Variants in ARFGEF2 observed in about 807,000 individuals in gnomAD.
ARFGEF2 encodes the protein brefeldin A-inhibited guanine nucleotide-exchange protein 2.
Under a neutral mutation model 219.9 loss-of-function variants are expected in ARFGEF2, and 74 were observed. The observed-to-expected ratio is 0.34, with a 90% confidence interval of 0.28 to 0.41. The LOEUF is 0.41. Among genes scored for constraint, ARFGEF2 ranks in the 10% least tolerant of loss-of-function variants. The probability of loss-of-function intolerance (pLI) is 1.00; values close to 1 mark genes in which losing one functional copy is unlikely to be tolerated. For missense variants in ARFGEF2, 1,743 were observed against 2,218.3 expected, an observed-to-expected ratio of 0.79 and a Z score of 4.30; for synonymous variants, 733 against 799.2, an observed-to-expected ratio of 0.92 and a Z score of 1.40.
In ARFGEF2 at chr20:49,013,937, A is replaced by C. The variant is rs145745338; in HGVS notation, c.4156A>C (p.Lys1386Gln). Reference protein sequence around the residue: ...RIVFRIFDNMKLPEQLSEKSE... With the variant: ...RIVFRIFDNMQLPEQLSEKSE... ...CGTGTTTCGGATTTTTGACAATATG[A>C]AACTCCCTGAGCAACTGTCAGAGGT... The change falls in exon 30 of 39, where the codon AAA becomes CAA. Residue 1386 changes from lysine (K) to glutamine (Q), a missense_variant. Physicochemically the swap from Lys to Gln is moderately conservative, Grantham distance 53. This residue lies in a region of ARFGEF2 where 578 missense variants were observed against 664.0 expected (regional missense o/e 0.87). Transcript: ENST00000371917. 3.7e-6 allele frequency: 6 copies of C among 1,614,050 alleles called. No homozygotes were observed. The East Asian group carries it at 1.1e-4, about 30-fold the overall frequency.
intron 14 of ARFGEF2, among the ~76,000 whole-genome samples, chr20:48,980,728 AT>A (rs1249942973): frequency 3.9e-5 from 6 of 152,072 alleles, no homozygotes; most frequent in Non-Finnish European, 8.8e-5. Context: ...TCCCTTTACC[AT>A]TATGTAATGG....
chr20:48,996,492 C>T (rs375761259), intron 23 of ARFGEF2, among the ~76,000 whole-genome samples: 1 of 151,410 alleles, frequency 6.6e-6, no homozygotes, highest in African/African-American at 2.4e-5. Flanking sequence ...TGCCTGTAAT[C>T]CCAGCACTTT....
At chr20:48,925,826 G>T (rs1389216221) in intron 1 of ARFGEF2, among the ~76,000 whole-genome samples, 1 of 152,106 alleles carries the variant, frequency 6.6e-6, no homozygotes, top group Non-Finnish European at 1.5e-5. Flanking sequence ...AGCAGGGTGA[G>T]ACCCTCACAC....
intron 15 of ARFGEF2, 110 bp from the exon 16 acceptor site, chr20:48,985,298 A>T (rs1401750411): frequency 8.5e-7 from 1 of 1,169,692 alleles, no homozygotes; most frequent in African/African-American, 1.5e-5. Context: ...AGTCCAGCCT[A>T]TTCTGGGCAG....
intron 16 of ARFGEF2, among the ~76,000 whole-genome samples, chr20:48,986,745 G>A (rs983867223): frequency 6.6e-6 from 1 of 152,180 alleles, no homozygotes; most frequent in Non-Finnish European, 1.5e-5. Context: ...TCTTGCCCAG[G>A]TTGAAGTACA....
chr20:49,018,778 A>G (rs1428613199), intron 33 of ARFGEF2, 106 bp from the exon 34 acceptor site: 1 of 825,274 alleles, frequency 1.2e-6, no homozygotes, highest in Non-Finnish European at 2.1e-6. Context: ...GAGCTAAGCA[A>G]GGCACTTAAA....
chr20:48,923,958 G>A (rs1433641796), intron 1 of ARFGEF2, among the ~76,000 whole-genome samples: 3 of 152,202 alleles, frequency 2.0e-5, no homozygotes, highest in Non-Finnish European at 4.4e-5. Flanking sequence ...TGTAAAAAAT[G>A]GCCTAGATAG....
chr20:49,006,514 T>TTA (rs1025749917), intron 26 of ARFGEF2, among the ~76,000 whole-genome samples: 70 of 152,084 alleles, frequency 4.6e-4, no homozygotes, highest in African/African-American at 1.6e-3. Flanking sequence ...CTGAAGGACA[T>TTA]TATATATATC....
intron 1 of ARFGEF2, among the ~76,000 whole-genome samples, chr20:48,928,268 G>A (rs1334603717): frequency 1.5e-5 from 2 of 137,552 alleles, no homozygotes; most frequent in Non-Finnish European, 3.1e-5. Flanking sequence ...GCGCGATCTC[G>A]GCTCACTGCA....
intron 14 of ARFGEF2, among the ~76,000 whole-genome samples, chr20:48,982,793 C>A (rs1294749019): frequency 6.6e-6 from 1 of 152,232 alleles, no homozygotes; most frequent in African/African-American, 2.4e-5. Context: ...GGCGTGGGAC[C>A]TGCTGAGCCA....
intron 7 of ARFGEF2, 70 bp from the exon 8 acceptor site, chr20:48,965,802 T>A (rs1359722378): frequency 6.3e-7 from 1 of 1,584,994 alleles, no homozygotes; most frequent in Non-Finnish European, 8.7e-7. Flanking sequence ...TAACTTCTTT[T>A]TGGTGTCAGG....
At chr20:48,935,137 G>A (rs993734855) in intron 1 of ARFGEF2, among the ~76,000 whole-genome samples, 7 of 150,714 alleles carry the variant, frequency 4.6e-5, no homozygotes, top group African/African-American at 7.4e-5. Flanking sequence ...GGTGTTTCTC[G>A]CAGGGGGGGA....
intron 7 of ARFGEF2, among the ~76,000 whole-genome samples, chr20:48,964,543 A>G (rs1298948501): frequency 1.3e-5 from 2 of 152,182 alleles, no homozygotes; most frequent in Non-Finnish European, 2.9e-5. Flanking sequence ...ATCCATGTCC[A>G]TTGGAGCTGA....
chr20:48,940,467 T>C (rs2090986567), intron 1 of ARFGEF2, among the ~76,000 whole-genome samples: 2 of 152,262 alleles, frequency 1.3e-5, no homozygotes, highest in Non-Finnish European at 2.9e-5. Flanking sequence ...TTCAATACTT[T>C]GTTATATTCG....
intron 27 of ARFGEF2, among the ~76,000 whole-genome samples, chr20:49,010,809 C>A (rs556570552): frequency 1.2e-3 from 176 of 152,338 alleles, no homozygotes; most frequent in Non-Finnish European, 1.7e-3. Flanking sequence ...AACCAGTACT[C>A]ATGGTGCTTT....
rs760130632 is a variant in ARFGEF2, at chr20:48,921,937, G to A, written c.48G>A (p.Glu16=). 42 of 1,563,598 alleles carry A rather than the reference G, an allele frequency of 2.7e-5. No homozygotes were observed. The highest frequency in any genetic ancestry group is 3.3e-5 in the Non-Finnish European group (38 of 1,154,270). ...GCATGTTCGTGTCCCGGGCCCTGGA[G>A]AAGATCCTAGCCGACAAGGAGGTGA... ...TKSMFVSRAL[E]KILADKEVKR... is the part of the protein sequence containing the mutation. The change falls in exon 1 of 39, where the codon GAG becomes GAA. Residue 16 remains glutamate (E), a synonymous_variant. Transcript: ENST00000371917.
intron 1 of ARFGEF2, 46 bp from the exon 2 acceptor site, chr20:48,941,153 T>C: frequency 1.3e-6 from 2 of 1,578,240 alleles, no homozygotes; most frequent in Non-Finnish European, 1.7e-6. Flanking sequence ...TTCCTTTACA[T>C]AAATGTTGCA....
chr20:48,989,173 G>C (rs548288207), intron 18 of ARFGEF2, 112 bp from the exon 19 acceptor site: 95 of 1,225,526 alleles, frequency 7.8e-5, no homozygotes, highest in Non-Finnish European at 1.1e-4. Flanking sequence ...GGACTCACGA[G>C]ATGGTTGGGA....
chr20:48,958,544 C>T (rs544447149), intron 6 of ARFGEF2, among the ~76,000 whole-genome samples: 69 of 151,888 alleles, frequency 4.5e-4, no homozygotes, highest in African/African-American at 1.5e-3. Context: ...TCACGCCATT[C>T]TCCTGCCTCA....
Sources: allele counts gnomAD v4.1 joint callset (sites outside exome capture counted in the v4.1 genomes callset), GRCh38; gene constraint gnomAD v4.1.1; regional missense constraint gnomAD v4.1.1; transcripts MANE v1.5; gene names NCBI Gene and HGNC (gene_info 2026-07-23, HGNC 2026-07-21).